RPL37: variants seen among roughly 807,000 people sequenced by gnomAD.
RPL37 encodes the protein large ribosomal subunit protein eL37.
RPL37 carries 1 observed loss-of-function variant against 14.8 expected under a neutral mutation model. The observed-to-expected ratio is 0.07, with a 90% CI of 0.02 to 0.32. The LOEUF (loss-of-function observed/expected upper bound fraction) is 0.32, where lower values mean the gene tolerates loss of function less well. Ranked by LOEUF, RPL37 falls within the 10% of genes least tolerant of loss-of-function variation. The pLI is 1.00. For synonymous variants in RPL37, 53 were observed against 45.8 expected, an observed-to-expected ratio of 1.16 and a Z score of -0.63; for missense variants, 100 against 128.3, an observed-to-expected ratio of 0.78 and a Z score of 1.06.
chr5:40,826,714 C>G lies in RPL37; in HGVS notation c.*5790G>C, dbSNP rs768770734. 2 of 152,092 alleles carry G rather than the reference C, an allele frequency of 1.3e-5. No homozygotes were observed. Among genetic ancestry groups the G allele is most frequent in the African/African-American group, 4.8e-5 (2 of 41,392 alleles). 9.4% of individuals were successfully genotyped at this position (152,092 alleles called of 1,614,324 possible). ...AGATGTGTGACACTCAGGAGAGAGC[C>G]GGCATAAAATAGCCCCCAGAGGTAA... On this transcript the variant is annotated 3_prime_UTR_variant, in exon 4 of 4. Coordinates refer to ENST00000274242, the MANE Select transcript of RPL37 (RefSeq NM_000997.5).
In RPL37 at chr5:40,831,644, G is replaced by T; in HGVS notation, c.*860C>A. On this transcript the variant is annotated 3_prime_UTR_variant, in exon 4 of 4. Coordinates refer to ENST00000274242, the MANE Select transcript of RPL37 (RefSeq NM_000997.5). Reference sequence around the variant, plus strand: ...CCCTGCCCTCTCACTCAGCAGTCCAGTTGACTTTGTCCCTTCATTTTAAAA... The same window carrying T: ...CCCTGCCCTCTCACTCAGCAGTCCATTTGACTTTGTCCCTTCATTTTAAAA... The T allele has an allele frequency of 6.6e-6, 1 of 152,194 alleles. No individual in the cohort carries two copies. Among genetic ancestry groups the T allele is most frequent in the East Asian group, 1.9e-4 (1 of 5,326 alleles). 9.4% of individuals were successfully genotyped at this position (152,194 alleles called of 1,614,324 possible). A position where few individuals can be genotyped will look rare whatever the true frequency, so the allele number is the denominator to read the frequency against.
rs753963036 is a variant in RPL37 at position 40,834,168 on chromosome 5, A to G, written c.224+13T>C. ...CCCACTGGACCAATTATGATCGAAC[A>G]TACAAACTGTACCTGAATCTGCGGT... On this transcript the variant is annotated intron_variant, in intron 3 of 3. Coordinates refer to ENST00000274242, the MANE Select transcript of RPL37 (RefSeq NM_000997.5). The G allele has an allele frequency of 1.3e-6, 2 of 1,596,284 alleles. No homozygotes were observed. The highest frequency in any genetic ancestry group is 2.2e-5 in the East Asian group (1 of 44,780).
rs1402547681 is a variant in RPL37, at chr5:40,828,741, T to C, written c.*3763A>G. 6.6e-6 allele frequency: 1 copy of C among 152,188 alleles called. No homozygotes were observed. The highest frequency in any genetic ancestry group is 6.5e-5 in the Admixed American group (1 of 15,272). 9.4% of individuals were successfully genotyped at this position (152,188 alleles called of 1,614,324 possible). On this transcript the variant is annotated 3_prime_UTR_variant, in exon 4 of 4. Coordinates refer to ENST00000274242, the MANE Select transcript of RPL37 (RefSeq NM_000997.5). ...TCAAACAATCCCCTTCCTTGGTTTGTGTGACTCCATCCAATTCTAGTTCCT... is the reference window on the plus strand; with the variant it reads ...TCAAACAATCCCCTTCCTTGGTTTGCGTGACTCCATCCAATTCTAGTTCCT...
rs1745546068 is a variant in RPL37 at position 40,827,587 on chromosome 5, A to C, written c.*4917T>G. 6.6e-6 allele frequency: 1 copy of C among 152,184 alleles called. No homozygotes were observed. Among genetic ancestry groups the C allele is most frequent in the Non-Finnish European group, 1.5e-5 (1 of 68,030 alleles). 9.4% of individuals were successfully genotyped at this position (152,184 alleles called of 1,614,324 possible). On this transcript the variant is annotated 3_prime_UTR_variant, in exon 4 of 4. Coordinates refer to ENST00000274242, the MANE Select transcript of RPL37 (RefSeq NM_000997.5). ...CACCGTATAAAGACACAAACATAAA[A>C]GCAATGTTTTGATCTGAATCCAATC...
chr5:40,830,811 G>A lies in RPL37; in HGVS notation c.*1693C>T, dbSNP rs1054747248. On this transcript the variant is annotated 3_prime_UTR_variant, in exon 4 of 4. Transcript: ENST00000274242. ...CACCGGCCTCAAGGGTTGTTTATAT[G>A]GGGGTCAGGGTACCTTCACTAGACT... 1.3e-5 allele frequency: 2 copies of A among 151,734 alleles called. No individual in the cohort carries two copies. Among genetic ancestry groups the A allele is most frequent in the African/African-American group, 4.8e-5 (2 of 41,296 alleles). 9.4% of individuals were successfully genotyped at this position (151,734 alleles called of 1,614,324 possible). A position where few individuals can be genotyped will look rare whatever the true frequency, so the allele number is the denominator to read the frequency against.
Position 40,831,478 on chromosome 5 carries a change from A to G in RPL37, c.*1026T>C, listed in dbSNP as rs1007189620. 1.3e-5 allele frequency: 2 copies of G among 152,364 alleles called. No individual in the cohort carries two copies. The highest frequency in any genetic ancestry group is 4.8e-5 in the African/African-American group (2 of 41,452). The allele number at this position is 152,364 out of a possible 1,614,324, so 9.4% of individuals were successfully genotyped here. ...ATAAAGCCATTCCAGGTTACAAGTA[A>G]AAGTGATACCCTTCCAAGGCCAGGT... On this transcript the variant is annotated 3_prime_UTR_variant, in exon 4 of 4. Coordinates refer to ENST00000274242, the MANE Select transcript of RPL37 (RefSeq NM_000997.5).
In RPL37 at chr5:40,827,312, C is replaced by T. The variant is rs1409085842; in HGVS notation, c.*5192G>A. On this transcript the variant is annotated 3_prime_UTR_variant, in exon 4 of 4. Transcript: ENST00000274242. ...CTGAGTTAACTTGCAGCTCACAGCT[C>T]CAGAAAAGTATAAGGAGAAAGCTGA... 6.6e-6 allele frequency: 1 copy of T among 152,152 alleles called. No individual in the cohort carries two copies. Among genetic ancestry groups the T allele is most frequent in the Non-Finnish European group, 1.5e-5 (1 of 68,056 alleles). The allele number at this position is 152,152 out of a possible 1,614,324, so 9.4% of individuals were successfully genotyped here.
intron 1 of RPL37, 27 bp downstream of exon 1, chr5:40,835,156 T>A (rs372142785): frequency 2.3e-5 from 37 of 1,613,926 alleles, no homozygotes; most frequent in Non-Finnish European, 2.9e-5. Context: ...TGGAACGCGA[T>A]TCACAAACAC....
intron 3 of RPL37, among the ~76,000 whole-genome samples, chr5:40,833,539 A>G (rs957988991): frequency 6.6e-6 from 1 of 152,188 alleles, no homozygotes; most frequent in Admixed American, 6.5e-5. Flanking sequence ...GAGTAACAAG[A>G]GCCCAAGGCA....
chr5:40,831,083 A>C lies in RPL37; in HGVS notation c.*1421T>G, dbSNP rs1343621884. 1 of 152,042 alleles carries C rather than the reference A, an allele frequency of 6.6e-6. No individual in the cohort carries two copies. The highest frequency in any genetic ancestry group is 1.5e-5 in the Non-Finnish European group (1 of 68,038). 9.4% of individuals were successfully genotyped at this position (152,042 alleles called of 1,614,324 possible). Reference sequence around the variant, plus strand: ...ATGTTGAAACCCAGTCTCTACTAAGAATACAAAAAGAATTAGTCGAGTGAA... The same window carrying C: ...ATGTTGAAACCCAGTCTCTACTAAGCATACAAAAAGAATTAGTCGAGTGAA... On this transcript the variant is annotated 3_prime_UTR_variant, in exon 4 of 4. Transcript: ENST00000274242.
chr5:40,834,389 C>G, intron 2 of RPL37, 82 bp downstream of exon 2: 1 of 1,581,608 alleles, frequency 6.3e-7, no homozygotes, highest in Non-Finnish European at 8.6e-7. Context: ...AGATAGGCAC[C>G]AAATAAAGTT....
Position 40,831,981 on chromosome 5 carries a change from G to A in RPL37, c.*523C>T, listed in dbSNP as rs140677436. The A allele has an allele frequency of 1.6e-3, 250 of 158,306 alleles. No homozygotes were observed. The highest frequency in any genetic ancestry group is 2.3e-3 in the Non-Finnish European group (160 of 70,962). 9.8% of individuals were successfully genotyped at this position (158,306 alleles called of 1,614,324 possible). On this transcript the variant is annotated 3_prime_UTR_variant, in exon 4 of 4. Transcript: ENST00000274242. ...TAGCCACCTTACACACAGCCCACAA[G>A]TCAGGTGTGCCAAGTGAGCATTACA...
chr5:40,829,015 G>A lies in RPL37; in HGVS notation c.*3489C>T, dbSNP rs1335920569. ...ATGGTTTCCACCAATACTAAGTCAAGGATAGTTACTGAAGTTCATCGATGA... is the reference window on the plus strand; with the variant it reads ...ATGGTTTCCACCAATACTAAGTCAAAGATAGTTACTGAAGTTCATCGATGA... On this transcript the variant is annotated 3_prime_UTR_variant, in exon 4 of 4. Coordinates refer to ENST00000274242, the MANE Select transcript of RPL37 (RefSeq NM_000997.5). 6.6e-6 allele frequency: 1 copy of A among 152,110 alleles called. No homozygotes were observed. Among genetic ancestry groups the A allele is most frequent in the East Asian group, 1.9e-4 (1 of 5,198 alleles). 9.4% of individuals were successfully genotyped at this position (152,110 alleles called of 1,614,324 possible). A position where few individuals can be genotyped will look rare whatever the true frequency, so the allele number is the denominator to read the frequency against.
rs943572074 is a variant in RPL37, at chr5:40,827,807, G to C, written c.*4697C>G. ...GCTCACTGCAACCTCTGCCCCCCAGGCTCAAGCGATTCTCTCGCCTCAGCC... is the reference window on the plus strand; with the variant it reads ...GCTCACTGCAACCTCTGCCCCCCAGCCTCAAGCGATTCTCTCGCCTCAGCC... On this transcript the variant is annotated 3_prime_UTR_variant, in exon 4 of 4. Coordinates refer to ENST00000274242, the MANE Select transcript of RPL37 (RefSeq NM_000997.5). 1 of 151,744 alleles carries C rather than the reference G, an allele frequency of 6.6e-6. No homozygotes were observed. Among genetic ancestry groups the C allele is most frequent in the Admixed American group, 6.6e-5 (1 of 15,198 alleles). The allele number at this position is 151,744 out of a possible 1,614,324, so 9.4% of individuals were successfully genotyped here. A position where few individuals can be genotyped will look rare whatever the true frequency, so the allele number is the denominator to read the frequency against.
At position 40,832,344 on chromosome 5, in the gene RPL37, A is replaced by G. The variant is rs1287754144; in HGVS notation, c.*160T>C. 1.4e-6 allele frequency: 1 copy of G among 705,054 alleles called. No homozygotes were observed. The highest frequency in any genetic ancestry group is 2.6e-6 in the Non-Finnish European group (1 of 385,276). The allele number at this position is 705,054 out of a possible 1,614,324, so 43.7% of individuals were successfully genotyped here. On this transcript the variant is annotated 3_prime_UTR_variant, in exon 4 of 4. Transcript: ENST00000274242. ...AGTCCAAAAGTAAACATTCCAAAACAGTCACTTAACAAGTAAATCTGATAT... is the reference window on the plus strand; with the variant it reads ...AGTCCAAAAGTAAACATTCCAAAACGGTCACTTAACAAGTAAATCTGATAT...
At chr5:40,835,025 G>T in intron 1 of RPL37, 158 bp downstream of exon 1, 1 of 916,114 alleles carries the variant, frequency 1.1e-6, no homozygotes, top group Non-Finnish European at 1.7e-6. Flanking sequence ...GCACCAGTTA[G>T]CAGTCATTCT....
chr5:40,833,074 G>A (rs552310776), intron 3 of RPL37, among the ~76,000 whole-genome samples: 1 of 152,304 alleles, frequency 6.6e-6, no homozygotes, highest in Admixed American at 6.5e-5. Flanking sequence ...CCTGGCTTCA[G>A]TTCAAGCTCT....
chr5:40,828,570 C>T lies in RPL37; in HGVS notation c.*3934G>A, dbSNP rs1745568859. On this transcript the variant is annotated 3_prime_UTR_variant, in exon 4 of 4. Transcript: ENST00000274242. ...ATTCCTCACTGCCCAATCTCGTGAC[C>T]TCTTGGCAAACTGGTTTTTCTTTGC... 6.6e-6 allele frequency: 1 copy of T among 152,174 alleles called. No homozygotes were observed. Among genetic ancestry groups the T allele is most frequent in the Non-Finnish European group, 1.5e-5 (1 of 68,036 alleles). 9.4% of individuals were successfully genotyped at this position (152,174 alleles called of 1,614,324 possible). A position where few individuals can be genotyped will look rare whatever the true frequency, so the allele number is the denominator to read the frequency against.
chr5:40,834,847 A>C (rs532877828), intron 1 of RPL37, among the ~76,000 whole-genome samples: 2 of 152,200 alleles, frequency 1.3e-5, no homozygotes, highest in Non-Finnish European at 2.9e-5. Context: ...CCGGCCAGAG[A>C]GCATCACCAA....
Sources: gnomAD v4.1 joint callset for allele counts (sites outside exome capture counted in the v4.1 genomes callset) on GRCh38, gnomAD v4.1.1 for gene constraint, MANE v1.5 for transcripts, NCBI Gene and HGNC (gene_info 2026-07-23, HGNC 2026-07-21) for gene names.